Variants in KCNK2 observed in about 807,000 individuals in gnomAD.
KCNK2 encodes the protein potassium two pore domain channel subfamily K member 2.
In KCNK2, 21 loss-of-function variants were observed where a neutral mutation model predicts 40.5. The ratio of observed to expected loss-of-function variants is 0.52; its 90% CI spans 0.37 to 0.75. The LOEUF (loss-of-function observed/expected upper bound fraction) is 0.75. KCNK2 is among the 30% of genes least tolerant of loss of function. KCNK2 has a pLI of 0.00. For missense variants in KCNK2, 399 were observed against 531.6 expected (o/e 0.75, Z 2.45); for synonymous variants, 191 against 202.2 (o/e 0.94, Z 0.47).
intron 3 of KCNK2, among the ~76,000 whole-genome samples, chr1:215,153,609 A>G (rs1662783522): frequency 6.6e-6 from 1 of 151,450 alleles, no homozygotes; most frequent in Admixed American, 6.6e-5. Flanking sequence ...CTCTTTTTAA[A>G]GTCTAATTTA....
chr1:215,162,963 A>G (rs1297774432), intron 3 of KCNK2, among the ~76,000 whole-genome samples: 1 of 152,130 alleles, frequency 6.6e-6, no homozygotes, highest in Non-Finnish European at 1.5e-5. Context: ...AATTCTGTGA[A>G]GAAAGTCAAT....
intron 1 of KCNK2, chr1:215,005,979 G>C (rs770872472): frequency 3.1e-6 from 5 of 1,601,260 alleles, no homozygotes; most frequent in Non-Finnish European, 4.3e-6. Context: ...CAATAATCAA[G>C]TACCTTATTT....
intron 2 of KCNK2, among the ~76,000 whole-genome samples, chr1:215,108,383 G>A (rs185469700): frequency 1.3e-5 from 2 of 152,258 alleles, no homozygotes; most frequent in Non-Finnish European, 1.5e-5. Context: ...ATGGGTTGAG[G>A]AGATCCTGAA....
chr1:215,190,965 TTTTC>T (rs777164851), intron 5 of KCNK2, among the ~76,000 whole-genome samples: 4 of 152,004 alleles, frequency 2.6e-5, no homozygotes, highest in African/African-American at 4.8e-5. Flanking sequence ...CAGAGCCAAT[TTTTC>T]TTTCTTTCTT....
chr1:215,008,115 CT>C (rs79977750), intron 1 of KCNK2, among the ~76,000 whole-genome samples: 2,424 of 132,594 alleles, frequency 0.018, 19 homozygotes, highest in African/African-American at 0.041. Flanking sequence ...AGTCCTAAGT[CT>C]TTTTTTTTTT....
At chr1:215,037,410 A>G (rs1657425647) in intron 1 of KCNK2, among the ~76,000 whole-genome samples, 1 of 151,968 alleles carries the variant, frequency 6.6e-6, no homozygotes, top group Non-Finnish European at 1.5e-5. Flanking sequence ...ACTTTATTAT[A>G]TATTTCTGGG....
chr1:215,121,273 T>A (rs190798553), intron 2 of KCNK2, among the ~76,000 whole-genome samples: 35 of 152,250 alleles, frequency 2.3e-4, no homozygotes, highest in Admixed American at 1.7e-3. Flanking sequence ...AGAGGTTTGT[T>A]AAGATCCAAG....
At chr1:215,173,586 A>G (rs9793695) in intron 5 of KCNK2, among the ~76,000 whole-genome samples, 83,512 of 151,680 alleles carry the variant, frequency 0.55, 25,467 homozygotes, top group Non-Finnish European at 0.68. Context: ...AGTCCCACCA[A>G]CAGTGTAAAA....
chr1:215,036,484 CT>C (rs35958350), intron 1 of KCNK2, among the ~76,000 whole-genome samples: 122,027 of 151,062 alleles, frequency 0.81, 49,869 homozygotes, highest in East Asian at 0.99. Flanking sequence ...CAATTTTGTT[CT>C]TTTTTTTTTA....
chr1:215,032,802 G>T lies in KCNK2; in HGVS notation c.34+26847G>T, dbSNP rs12044793. On this transcript the variant is annotated intron_variant, in intron 1 of 6. Transcript: ENST00000391895. ...TTCTTTTTCCCTCTATCCTCTCTAA[G>T]AATTTTTTCTTTATCCTAATTTTTT... 0.013 allele frequency among the ~76,000 whole-genome samples: 1,928 copies of T among 151,918 alleles called. 55 individuals carry two copies. The East Asian group carries it at 0.13, about 10-fold the overall frequency.
At chr1:215,195,361 T>G (rs961631918) in intron 6 of KCNK2, among the ~76,000 whole-genome samples, 5 of 30,108 alleles carry the variant, frequency 1.7e-4, no homozygotes, top group Middle Eastern at 0.021. Context: ...TCTTCATTAT[T>G]TCTTTTTTTT....
intron 2 of KCNK2, among the ~76,000 whole-genome samples, chr1:215,113,719 C>T (rs1032101479): frequency 6.6e-6 from 1 of 152,300 alleles, no homozygotes; most frequent in South Asian, 2.1e-4. Context: ...CCTCAGCCTC[C>T]TTATTAGCTG....
chr1:215,163,402 C>A (rs1414297265), intron 3 of KCNK2, among the ~76,000 whole-genome samples: 1 of 152,084 alleles, frequency 6.6e-6, no homozygotes, highest in African/African-American at 2.4e-5. Context: ...TACTTGAATA[C>A]CCTTTATTTC....
chr1:215,062,026 A>G (rs1386965667), intron 1 of KCNK2, among the ~76,000 whole-genome samples: 1 of 152,196 alleles, frequency 6.6e-6, no homozygotes, highest in Middle Eastern at 3.2e-3. Context: ...AACAGTTTGA[A>G]GTAATTTGTA....
chr1:215,080,653 C>G (rs1205406472), upstream of KCNK2, among the ~76,000 whole-genome samples: 2 of 152,158 alleles, frequency 1.3e-5, no homozygotes, highest in Non-Finnish European at 2.9e-5. Context: ...ACTGAGCATA[C>G]AATCTAGTTT....
intron 5 of KCNK2, among the ~76,000 whole-genome samples, chr1:215,173,306 C>T (rs1287855378): frequency 2.6e-5 from 4 of 152,080 alleles, no homozygotes; most frequent in Non-Finnish European, 5.9e-5. Flanking sequence ...AACTCATCCT[C>T]TTTTATGGCT....
intron 1 of KCNK2, among the ~76,000 whole-genome samples, chr1:215,021,537 CTTTTTTTTTTTT>C (rs538476962): frequency 1.0e-5 from 1 of 96,316 alleles, no homozygotes; most frequent in Admixed American, 1.2e-4. Context: ...GGACAACCAT[CTTTTTTTTTTTT>C]TTTTTTTTTT....
chr1:215,189,087 T>C (rs932311799), intron 5 of KCNK2, among the ~76,000 whole-genome samples: 1 of 152,174 alleles, frequency 6.6e-6, no homozygotes, highest in African/African-American at 2.4e-5. Flanking sequence ...GTAGAGGGTT[T>C]AGTCACTCCC....
rs1296555741 is a variant in KCNK2, at chr1:215,083,165, C to T, written c.-221C>T. 10 of 1,029,048 alleles carry T rather than the reference C, an allele frequency of 9.7e-6. No homozygotes were observed. Among genetic ancestry groups the T allele is most frequent in the Non-Finnish European group, 1.4e-5 (10 of 690,860 alleles). The allele number at this position is 1,029,048 out of a possible 1,614,324, so 63.7% of individuals were successfully genotyped here. A position where few individuals can be genotyped will look rare whatever the true frequency, so the allele number is the denominator to read the frequency against. On this transcript the variant is annotated 5_prime_UTR_variant, in exon 1 of 7. Transcript: ENST00000444842. Reference sequence around the variant, plus strand: ...TCTGCCCAGCCCGCCGGTGTCCCCTCCTTCCCGCGATTTCGTTTCTTCTCA... The same window carrying T: ...TCTGCCCAGCCCGCCGGTGTCCCCTTCTTCCCGCGATTTCGTTTCTTCTCA...
Sources: gnomAD v4.1 joint callset for allele counts (sites outside exome capture counted in the v4.1 genomes callset) on GRCh38, gnomAD v4.1.1 for gene constraint, MANE v1.5 for transcripts, NCBI Gene and HGNC (gene_info 2026-07-23, HGNC 2026-07-21) for gene names.